EXOC7: variants seen among roughly 807,000 people sequenced by gnomAD.
EXOC7 encodes the protein exocyst complex component Exo70.
Under a neutral mutation model 87.6 loss-of-function variants are expected in EXOC7, and 51 were observed. That is an observed-to-expected ratio of 0.58 (90% CI 0.46 to 0.73). The LOEUF (loss-of-function observed/expected upper bound fraction) is 0.73, where lower values mean the gene tolerates loss of function less well. EXOC7 is among the 30% of genes least tolerant of loss of function. The pLI is 0.00. For synonymous variants in EXOC7, 327 were observed against 357.1 expected, an observed-to-expected ratio of 0.92 and a Z score of 0.95; for missense variants, 744 against 888.4, an observed-to-expected ratio of 0.84 and a Z score of 2.07.
In EXOC7 at chr17:76,101,878, C is replaced by G. The variant is rs760221753; in HGVS notation, c.127-15G>C. ...AAGATAGACACCTGCGGGAGGGAAGCCTCTTGATCTTGGGACTCACAGTGG... is the reference window on the plus strand; with the variant it reads ...AAGATAGACACCTGCGGGAGGGAAGGCTCTTGATCTTGGGACTCACAGTGG... On this transcript the variant is annotated splice_polypyrimidine_tract_variant and intron_variant, in intron 2 of 18. Coordinates refer to ENST00000589210, the MANE Select transcript of EXOC7 (RefSeq NM_001013839.4). 1 of 1,600,708 alleles carries G rather than the reference C, an allele frequency of 6.2e-7. No individual in the cohort carries two copies. Among genetic ancestry groups the G allele is most frequent in the Non-Finnish European group, 8.5e-7 (1 of 1,172,932 alleles).
chr17:76,103,286 C>A, intron 2 of EXOC7, 75 bp downstream of exon 2: 2 of 1,416,670 alleles, frequency 1.4e-6, no homozygotes, highest in South Asian at 2.5e-5. Context: ...CCGCAGGAAC[C>A]GGAACCGCCA....
At chr17:76,099,405 G>A (rs929260465) in intron 4 of EXOC7, among the ~76,000 whole-genome samples, 2 of 152,182 alleles carry the variant, frequency 1.3e-5, no homozygotes, top group Non-Finnish European at 2.9e-5. Context: ...TACTCGGGAG[G>A]CTGGGACAGG....
At chr17:76,087,889 G>A (rs1325733220) in intron 11 of EXOC7, 169 bp from the exon 12 acceptor site, 2 of 941,164 alleles carry the variant, frequency 2.1e-6, no homozygotes, top group Non-Finnish European at 3.3e-6. Context: ...GGCCCTGTCT[G>A]CTAGAGACAC....
chr17:76,103,297 G>C, intron 2 of EXOC7, 64 bp downstream of exon 2: 1 of 1,486,156 alleles, frequency 6.7e-7, no homozygotes, highest in Non-Finnish European at 9.2e-7. Flanking sequence ...GGAACCGCCA[G>C]GTCGCAAGGC....
rs908642804 is a variant in EXOC7 at position 76,103,340 on chromosome 17, C to G, written c.126+21G>C. On this transcript the variant is annotated intron_variant, in intron 2 of 18. Coordinates refer to ENST00000589210, the MANE Select transcript of EXOC7 (RefSeq NM_001013839.4). The stretch of plus-strand genomic sequence containing the variant: ...CAGGGTCCGGAGGCCTGCCCTCTCC[C>G]CCAGCTGCGGGGAGACTCACCATGT... 8 of 1,577,306 alleles carry G rather than the reference C, an allele frequency of 5.1e-6. No individual in the cohort carries two copies. In the East Asian group the frequency reaches 1.4e-4, roughly 27 times the overall value.
chr17:76,083,356 C>A lies in EXOC7; in HGVS notation c.*292G>T. On this transcript the variant is annotated 3_prime_UTR_variant, in exon 19 of 19. Transcript: ENST00000589210. The stretch of plus-strand genomic sequence containing the variant: ...CACATGGAGCAGCAGTGGGCACAGG[C>A]CTCTGTCTTCCTTCTCTCTTTTCCT... 1 of 407,186 alleles carries A rather than the reference C, an allele frequency of 2.5e-6. No individual in the cohort carries two copies. The highest frequency in any genetic ancestry group is 4.6e-6 in the Non-Finnish European group (1 of 217,276). 25.2% of individuals were successfully genotyped at this position (407,186 alleles called of 1,614,324 possible).
chr17:76,094,350 C>T (rs2144660543), intron 6 of EXOC7, 64 bp downstream of exon 6: 2 of 1,536,586 alleles, frequency 1.3e-6, no homozygotes, highest in East Asian at 4.5e-5. Flanking sequence ...CTAGATTGGA[C>T]TAAAGCAGTA....
intron 15 of EXOC7, 160 bp downstream of exon 15, chr17:76,085,154 C>T (rs1020530545): frequency 1.1e-5 from 7 of 652,846 alleles, no homozygotes; most frequent in Middle Eastern, 4.2e-4. Flanking sequence ...GAGGGGGCTT[C>T]TCTCTCCACC....
chr17:76,084,382 C>T (rs1048733846), intron 16 of EXOC7, 93 bp from the exon 17 acceptor site: 20 of 1,585,656 alleles, frequency 1.3e-5, no homozygotes, highest in Non-Finnish European at 1.7e-5. Context: ...CTGGGCCTGT[C>T]TCCTGTGTCC....
intron 12 of EXOC7, 150 bp downstream of exon 12, chr17:76,087,504 C>G: frequency 1.4e-6 from 1 of 729,668 alleles, no homozygotes; most frequent in Non-Finnish European, 2.2e-6. Flanking sequence ...CCTTGCTCTC[C>G]TGATGCTCAG....
intron 12 of EXOC7, chr17:76,087,343 G>C (rs2067256890): frequency 2.2e-6 from 1 of 461,340 alleles, no homozygotes; most frequent in Admixed American, 3.7e-5. Flanking sequence ...ACGAGAGAAG[G>C]ATTTGGGAGG....
In EXOC7 at chr17:76,085,697, G is replaced by A. The variant is rs370894065; in HGVS notation, c.1596C>T (p.Tyr532=). The change falls in exon 14 of 19, where the codon TAC becomes TAT. Residue 532 remains tyrosine, a synonymous_variant. Coordinates refer to ENST00000589210, the MANE Select transcript of EXOC7 (RefSeq NM_001013839.4). ...SAIFLHNNYN[Y]ILKSLEKSEL... ...CTTACTTCTCCAGGGACTTGAGGAT[G>A]TAATTGTAGTTGTTGTGCAGGAAGA... The A allele has an allele frequency of 4.3e-5, 70 of 1,614,154 alleles. No homozygotes were observed. Among genetic ancestry groups the A allele is most frequent in the Non-Finnish European group, 5.5e-5 (65 of 1,180,034 alleles).
In EXOC7 at chr17:76,103,761, G is replaced by A; in HGVS notation, c.-69C>T. 3 of 1,511,488 alleles carry A rather than the reference G, an allele frequency of 2.0e-6. No homozygotes were observed. Among genetic ancestry groups the A allele is most frequent in the South Asian group, 2.4e-5 (2 of 82,014 alleles). 93.6% of individuals were successfully genotyped at this position (1,511,488 alleles called of 1,614,324 possible). ...GCGGGCCCACCGGGCCCCCGTCCCC[G>A]TCACACCCACTTCCGCTCTTGGTCC... On this transcript the variant is annotated 5_prime_UTR_variant, in exon 1 of 19. The change creates a new upstream start codon in the 5' untranslated region. Coordinates refer to ENST00000589210, the MANE Select transcript of EXOC7 (RefSeq NM_001013839.4).
Position 76,090,307 on chromosome 17 carries a change from C to A in EXOC7, c.901+836G>T, listed in dbSNP as rs2290247. ...CGAAGGCAGTGTCAGCGGCTGCCCT[C>A]GGGCTGGGCTGCGGTACTCACCGGC... On this transcript the variant is annotated intron_variant, in intron 7 of 18. Transcript: ENST00000589210. The A allele has an allele frequency of 5.0e-5, 77 of 1,548,462 alleles. No individual in the cohort carries two copies. The East Asian group carries it at 1.8e-3, about 35-fold the overall frequency.
chr17:76,091,423 T>G, intron 6 of EXOC7, 188 bp from the exon 7 acceptor site: 1 of 587,078 alleles, frequency 1.7e-6, no homozygotes, highest in Non-Finnish European at 3.0e-6. Context: ...CTTCTCCAAA[T>G]GGAGCCTTGA....
At chr17:76,085,114 G>C (rs1034906004) in intron 15 of EXOC7, 200 bp downstream of exon 15, 2 of 589,842 alleles carry the variant, frequency 3.4e-6, no homozygotes, top group Admixed American at 2.9e-5. Flanking sequence ...AGTGGCCATA[G>C]TGGGCCCCTA....
At chr17:76,101,029 T>G in intron 4 of EXOC7, 1 of 581,000 alleles carries the variant, frequency 1.7e-6, no homozygotes, top group Non-Finnish European at 2.3e-6. Flanking sequence ...TAAGTTTATA[T>G]TTTATATGTA....
intron 2 of EXOC7, 34 bp downstream of exon 2, chr17:76,103,327 G>T: frequency 6.4e-7 from 1 of 1,558,088 alleles, no homozygotes. Flanking sequence ...GGGTCCGGAG[G>T]CCTGCCCTCT....
chr17:76,088,227 C>T (rs1213301399), intron 10 of EXOC7, 105 bp from the exon 11 acceptor site: 3 of 1,234,858 alleles, frequency 2.4e-6, no homozygotes, highest in South Asian at 2.6e-5. Context: ...TGCTAGGACA[C>T]CTCTCAGGCA....
Sources: allele counts gnomAD v4.1 joint callset (sites outside exome capture counted in the v4.1 genomes callset), GRCh38; gene constraint gnomAD v4.1.1; transcripts MANE v1.5; gene names NCBI Gene and HGNC (gene_info 2026-07-23, HGNC 2026-07-21).